Variants in TRPV1 observed in about 807,000 individuals in gnomAD.
The protein encoded by TRPV1 is OTRPC1.
Under a neutral mutation model 82.3 loss-of-function variants are expected in TRPV1, and 82 were observed. That is an observed-to-expected ratio of 1.00 (90% confidence interval 0.83 to 1.20). The LOEUF is 1.20. Among genes scored for constraint, TRPV1 ranks in the 50% most tolerant of loss-of-function variants. TRPV1 has a pLI of 0.00. For missense variants in TRPV1, 1,067 were observed against 1,096.8 expected (o/e 0.97, Z 0.38); for synonymous variants, 515 against 467.7 (o/e 1.10, Z -1.30).
intron 2 of TRPV1, chr17:3,592,734 C>T (rs1024760317): frequency 3.9e-5 from 8 of 205,664 alleles, no homozygotes; most frequent in Non-Finnish European, 4.9e-5. Flanking sequence ...TGATAACCAC[C>T]GCGCTGCCTC....
In TRPV1 at chr17:3,566,858, T is replaced by C. The variant is rs200978818; in HGVS notation, c.2477A>G (p.Asp826Gly). 82 of 1,613,882 alleles carry C rather than the reference T, an allele frequency of 5.1e-5. No homozygotes were observed. Among genetic ancestry groups the C allele is most frequent in the Non-Finnish European group, 6.9e-5 (82 of 1,179,902 alleles). The change falls in exon 17 of 17, where the codon GAC becomes GGC. Residue 826 changes from aspartate to glycine, a missense_variant. Transcript: ENST00000572705. ...GGCAGGACTCTTGAAGACCTCAGCG[T>C]CCTCTGGCTTCAGAGACCCTGAAAA... ...RQFSGSLKPE[D>G]AEVFKSPAAS... is the part of the protein sequence containing the mutation.
rs550272267 is a variant in TRPV1, at chr17:3,567,767, TTC to T, written c.2348-782_2348-781del. Among the ~76,000 whole-genome samples, 1,305 of 150,210 alleles carry T rather than the reference TTC, an allele frequency of 8.7e-3. 10 individuals carry two copies. The highest frequency in any genetic ancestry group is 0.052 in the Middle Eastern group (15 of 288). On this transcript the variant is annotated intron_variant, in intron 16 of 16. Coordinates refer to ENST00000572705, the MANE Select transcript of TRPV1 (RefSeq NM_080704.4). ...TGACAGCCTGGGCGACAGAACAAGA[TTC>T]TGTCTCAAAAAAAAAAAAAAGAAAA...
At chr17:3,575,485 GA>G (rs34777471) in intron 13 of TRPV1, among the ~76,000 whole-genome samples, 129,850 of 145,794 alleles carry the variant, frequency 0.89, 59,391 homozygotes, top group Non-Finnish European at 0.99. Context: ...TCCTTCTCAA[GA>G]AAAAAAAAAA....
intron 13 of TRPV1, among the ~76,000 whole-genome samples, chr17:3,574,763 AC>A (rs1450690773): frequency 6.6e-6 from 1 of 152,000 alleles, no homozygotes; most frequent in Non-Finnish European, 1.5e-5. Flanking sequence ...AGCCTGGCCA[AC>A]AGGGTGAAAC....
chr17:3,603,140 T>TAA (rs57989945), intron 2 of TRPV1, among the ~76,000 whole-genome samples: 46 of 146,456 alleles, frequency 3.1e-4, no homozygotes, highest in East Asian at 4.0e-4. Flanking sequence ...AAATTAAAAT[T>TAA]AAAAAAAAAA....
chr17:3,601,204 C>A (rs1325287513), intron 2 of TRPV1, among the ~76,000 whole-genome samples: 1 of 152,106 alleles, frequency 6.6e-6, no homozygotes, highest in Non-Finnish European at 1.5e-5. Flanking sequence ...TGGCTTCCGT[C>A]CATCCCTCCT....
Position 3,573,754 on chromosome 17 carries a change from A to G in TRPV1, c.1982T>C (p.Ile661Thr), listed in dbSNP as rs749109396. ...AATTACATAGGCCAGCAGCAGGATG[A>G]TGAAGACAGCCTTGAAGTCATAGTT... ...TENYDFKAVFIILLLAYVILT... is the reference protein window; with the variant it reads ...TENYDFKAVFTILLLAYVILT... The change falls in exon 14 of 17, where the codon ATC becomes ACC. Residue 661 changes from isoleucine (I) to threonine (T), a missense_variant. By Grantham distance (89) the Ile-to-Thr change is moderately conservative. Coordinates refer to ENST00000572705, the MANE Select transcript of TRPV1 (RefSeq NM_080704.4). 6.2e-7 allele frequency: 1 copy of G among 1,614,068 alleles called. No homozygotes were observed. The highest frequency in any genetic ancestry group is 1.1e-5 in the South Asian group (1 of 91,076).
At chr17:3,577,035 A>G (rs1317729863) in intron 13 of TRPV1, 91 bp downstream of exon 13, 7 of 1,341,622 alleles carry the variant, frequency 5.2e-6, no homozygotes, top group African/African-American at 1.4e-5. Flanking sequence ...CTGCCTACCC[A>G]GTGCCTTCTC....
At chr17:3,582,866 G>T (rs1289411353) in intron 10 of TRPV1, among the ~76,000 whole-genome samples, 1 of 119,328 alleles carries the variant, frequency 8.4e-6, no homozygotes, top group African/African-American at 2.6e-5. Context: ...AGAATTTTTT[G>T]AACCCAAGAG....
At chr17:3,574,022 A>C in intron 13 of TRPV1, 67 bp from the exon 14 acceptor site, 2 of 1,320,600 alleles carry the variant, frequency 1.5e-6, no homozygotes, top group Non-Finnish European at 2.1e-6. Flanking sequence ...CCTGACATAC[A>C]CCCTCCTGCT....
chr17:3,571,443 G>A (rs551468024), intron 16 of TRPV1, 81 bp downstream of exon 16: 159 of 1,155,066 alleles, frequency 1.4e-4, no homozygotes, highest in South Asian at 4.1e-4. Flanking sequence ...CCGGCAAGGC[G>A]TGGGGAACCT....
rs976617091 is a variant in TRPV1, at chr17:3,580,323, T to G, written c.1547+134A>C. ...ATTCATCCCCCGAGTATGTATTCAG[T>G]GCCTTCCGTCATTCCCTCAGCATGT... On this transcript the variant is annotated intron_variant, in intron 11 of 16. Transcript: ENST00000572705. The G allele has an allele frequency of 1.5e-5, 13 of 886,436 alleles. No individual in the cohort carries two copies. The African/African-American group carries it at 2.1e-4, about 15-fold the overall frequency. The allele number at this position is 886,436 out of a possible 1,614,324, so 54.9% of individuals were successfully genotyped here. A position where few individuals can be genotyped will look rare whatever the true frequency, so the allele number is the denominator to read the frequency against.
At chr17:3,603,438 G>A (rs887773755) in intron 2 of TRPV1, among the ~76,000 whole-genome samples, 5 of 152,214 alleles carry the variant, frequency 3.3e-5, no homozygotes, top group Admixed American at 6.5e-5. Context: ...TTGGATGGAA[G>A]AGGCCCGCGT....
chr17:3,589,189 C>T (rs1408657951), intron 7 of TRPV1, among the ~76,000 whole-genome samples: 1 of 144,372 alleles, frequency 6.9e-6, no homozygotes, highest in Admixed American at 7.5e-5. Context: ...GGAAAAACAC[C>T]AACAGCTTTT....
intron 16 of TRPV1, among the ~76,000 whole-genome samples, chr17:3,567,384 A>G (rs1466713712): frequency 6.6e-6 from 1 of 151,026 alleles, no homozygotes; most frequent in Non-Finnish European, 1.5e-5. Flanking sequence ...AAAAAAAAAA[A>G]AAAAAAAGAA....
chr17:3,587,770 AC>A (rs2075102264), intron 8 of TRPV1, among the ~76,000 whole-genome samples: 1 of 151,488 alleles, frequency 6.6e-6, no homozygotes, highest in Admixed American at 6.6e-5. Context: ...CCGGGATGGC[AC>A]CATTTCACTC....
chr17:3,581,749 G>C (rs1370272957), intron 10 of TRPV1, among the ~76,000 whole-genome samples: 2 of 146,820 alleles, frequency 1.4e-5, no homozygotes, highest in African/African-American at 2.4e-5. Context: ...GCCGGGCGCG[G>C]TGGCACGCAC....
chr17:3,580,743 A>T (rs564485341), intron 10 of TRPV1, among the ~76,000 whole-genome samples: 1 of 152,226 alleles, frequency 6.6e-6, no homozygotes, highest in Non-Finnish European at 1.5e-5. Context: ...GAAGCCGGGC[A>T]TGGTGGCTCA....
chr17:3,590,146 T>A (rs1597541821), intron 6 of TRPV1, 41 bp from the exon 7 acceptor site: 5 of 1,586,916 alleles, frequency 3.2e-6, no homozygotes, highest in Non-Finnish European at 4.3e-6. Flanking sequence ...AGGAGTGAGA[T>A]CCAGCTGGCC....
Sources: gnomAD v4.1 joint callset for allele counts (sites outside exome capture counted in the v4.1 genomes callset) on GRCh38, gnomAD v4.1.1 for gene constraint, MANE v1.5 for transcripts, NCBI Gene and HGNC (gene_info 2026-07-23, HGNC 2026-07-21) for gene names.